MYO16: variants seen among roughly 807,000 people sequenced by gnomAD.
MYO16 encodes unconventional myosin-XVI.
A neutral mutation model predicts 205.3 loss-of-function variants in MYO16; 94 were observed. The ratio of observed to expected loss-of-function variants is 0.46; its 90% CI spans 0.39 to 0.54. The LOEUF (loss-of-function observed/expected upper bound fraction) is 0.54, where lower values mean the gene tolerates loss of function less well. MYO16 is among the 20% of genes least tolerant of loss of function. The probability of loss-of-function intolerance (pLI) is 0.00; values close to 1 mark genes in which losing one functional copy is unlikely to be tolerated. For synonymous variants in MYO16, 988 were observed against 954.0 expected (o/e 1.04, Z -0.66); for missense variants, 2,315 against 2,387.5 (o/e 0.97, Z 0.63).
chr13:109,112,050 T>C (rs1309368699), intron 28 of MYO16, among the ~76,000 whole-genome samples: 1 of 152,170 alleles, frequency 6.6e-6, no homozygotes, highest in African/African-American at 2.4e-5. Flanking sequence ...ATGATATTAT[T>C]CAGTGAAAAC....
At chr13:109,109,799 A>T (rs1889230091) in intron 28 of MYO16, among the ~76,000 whole-genome samples, 1 of 152,218 alleles carries the variant, frequency 6.6e-6, no homozygotes, top group African/African-American at 2.4e-5. Flanking sequence ...AAGACAGTTC[A>T]CAAAATTAGA....
intron 12 of MYO16, among the ~76,000 whole-genome samples, chr13:108,870,710 C>T (rs196162): frequency 6.6e-6 from 1 of 151,738 alleles, no homozygotes; most frequent in Admixed American, 6.6e-5. Flanking sequence ...ATTTTGAGTG[C>T]CTTCTTTTTA....
chr13:109,048,669 A>G (rs1279693294), intron 24 of MYO16: 1 of 249,554 alleles, frequency 4.0e-6, no homozygotes, highest in African/African-American at 2.2e-5. Flanking sequence ...TGAATCTGTG[A>G]AATACTTTGA....
intron 12 of MYO16, 56 bp from the exon 13 acceptor site, chr13:108,883,003 G>A (rs886373832): frequency 1.0e-5 from 16 of 1,596,712 alleles, no homozygotes; most frequent in Non-Finnish European, 1.3e-5. Flanking sequence ...TATGGGATGA[G>A]GAATACTGGC....
At chr13:109,036,682 C>T (rs550862221) in intron 23 of MYO16, among the ~76,000 whole-genome samples, 241 of 152,226 alleles carry the variant, frequency 1.6e-3, no homozygotes, top group African/African-American at 5.3e-3. Flanking sequence ...ATGACAATTT[C>T]CTTAAAGATC....
chr13:109,141,595 G>T lies in MYO16; in HGVS notation c.5164+219G>T, dbSNP rs188429766. 9.2e-5 allele frequency among the ~76,000 whole-genome samples: 14 copies of T among 152,276 alleles called. No individual in the cohort carries two copies. Among genetic ancestry groups the T allele is most frequent in the Non-Finnish European group, 1.6e-4 (11 of 68,026 alleles). ...CATATTGCAGAATATGATAGGAAAG[G>T]CTCGTGATATAGAAAGACGCAGACC... On this transcript the variant is annotated intron_variant, in intron 32 of 34. Coordinates refer to ENST00000457511, the MANE Select transcript of MYO16 (RefSeq NM_001198950.3). The surrounding 1 kb of genome is among the most constrained non-coding windows in gnomAD (Gnocchi z 4.1).
At chr13:109,143,169 A>G (rs1877180860) in intron 32 of MYO16, among the ~76,000 whole-genome samples, 1 of 152,152 alleles carries the variant, frequency 6.6e-6, no homozygotes, top group Admixed American at 6.5e-5. Flanking sequence ...TCCTTCACCA[A>G]AAGAAAATAC....
chr13:108,960,929 A>AT (rs1258600850), intron 17 of MYO16, among the ~76,000 whole-genome samples: 2 of 151,906 alleles, frequency 1.3e-5, no homozygotes, highest in East Asian at 3.9e-4. Context: ...GCCAACATCC[A>AT]TTTTTTTCTG....
chr13:108,994,307 A>T (rs1378623741), intron 21 of MYO16, among the ~76,000 whole-genome samples: 1 of 143,838 alleles, frequency 7.0e-6, no homozygotes, highest in Non-Finnish European at 1.5e-5. Context: ...TTTTGAAAAA[A>T]ATTTGAAATA....
chr13:108,782,417 C>T (rs1337820390), intron 4 of MYO16, among the ~76,000 whole-genome samples: 1 of 152,168 alleles, frequency 6.6e-6, no homozygotes, highest in Non-Finnish European at 1.5e-5. Context: ...CAAGAGGTGA[C>T]TTGGGTGTTG....
chr13:109,020,800 C>T (rs1885997267), intron 23 of MYO16, among the ~76,000 whole-genome samples: 1 of 152,150 alleles, frequency 6.6e-6, no homozygotes, highest in African/African-American at 2.4e-5. Context: ...CGCTGTCTTA[C>T]AGTGTATTTC....
the MYO16 span, among the ~76,000 whole-genome samples, chr13:108,543,531 A>G: frequency 6.6e-6 from 1 of 150,908 alleles, no homozygotes; most frequent in South Asian, 2.1e-4. Flanking sequence ...AGTCCCAGCT[A>G]CTCCGGAGGC....
Position 108,888,433 on chromosome 13 carries a change from A to G in MYO16, c.1615A>G (p.Arg539Gly), listed in dbSNP as rs1880003575. ...SKQIIRHLTCRAGASRATLDS... is the reference protein window; with the variant it reads ...SKQIIRHLTCGAGASRATLDS... ...ACAAATCATAAGACACCTCACCTGCAGGGCTGGCGCCAGCAGGGCCACACT... is the reference window on the plus strand; with the variant it reads ...ACAAATCATAAGACACCTCACCTGCGGGGCTGGCGCCAGCAGGGCCACACT... The change falls in exon 14 of 35, where the codon AGG becomes GGG. Residue 539 changes from arginine to glycine, a missense_variant. By Grantham distance (125) the Arg-to-Gly change is moderately radical (BLOSUM62 -2). Coordinates refer to ENST00000457511, the MANE Select transcript of MYO16 (RefSeq NM_001198950.3). 6.2e-7 allele frequency: 1 copy of G among 1,612,128 alleles called. No homozygotes were observed. The highest frequency in any genetic ancestry group is 1.1e-5 in the South Asian group (1 of 90,532).
intron 27 of MYO16, among the ~76,000 whole-genome samples, chr13:109,062,143 T>C (rs188672900): frequency 6.6e-6 from 1 of 152,316 alleles, no homozygotes; most frequent in Non-Finnish European, 1.5e-5. Flanking sequence ...TTTGTATATT[T>C]CCAAGTCAGT....
chr13:108,543,346 G>T, the MYO16 span, among the ~76,000 whole-genome samples: 17 of 152,014 alleles, frequency 1.1e-4, no homozygotes, highest in South Asian at 8.3e-4. Flanking sequence ...ATTTTATTTT[G>T]GTAAAAAAGA....
intron 3 of MYO16, among the ~76,000 whole-genome samples, chr13:108,718,952 G>A (rs781618828): frequency 5.3e-5 from 8 of 152,048 alleles, no homozygotes; most frequent in Non-Finnish European, 8.8e-5. Context: ...ACATTGTGAT[G>A]ATGCTTTAAA....
At chr13:109,079,563 T>C (rs973068138) in intron 27 of MYO16, among the ~76,000 whole-genome samples, 1 of 152,034 alleles carries the variant, frequency 6.6e-6, no homozygotes, top group African/African-American at 2.4e-5. Context: ...AAGCTAAACA[T>C]TGAGCACACA....
chr13:108,848,251 G>A (rs1877629172), intron 10 of MYO16, among the ~76,000 whole-genome samples: 1 of 152,152 alleles, frequency 6.6e-6, no homozygotes, highest in African/African-American at 2.4e-5. Flanking sequence ...TCCCTGCCCG[G>A]ATCTGTTCTA....
chr13:108,714,108 G>C (rs763147243), intron 3 of MYO16, among the ~76,000 whole-genome samples: 15 of 152,128 alleles, frequency 9.9e-5, no homozygotes, highest in South Asian at 2.1e-4. Flanking sequence ...CCAGGCTGGA[G>C]TGCAGTGGTG....
Sources: allele counts gnomAD v4.1 joint callset (sites outside exome capture counted in the v4.1 genomes callset), GRCh38; gene constraint gnomAD v4.1.1; non-coding constraint Gnocchi (gnomAD v3.1); transcripts MANE v1.5; gene names NCBI Gene and HGNC (gene_info 2026-07-23, HGNC 2026-07-21).